MLIP: variants seen among roughly 807,000 people sequenced by gnomAD.
MLIP encodes muscular LMNA interacting protein, also known as muscular LMNA-interacting protein.
In MLIP, 79 loss-of-function variants were observed where a neutral mutation model predicts 84.8. The ratio of observed to expected loss-of-function variants is 0.93; its 90% CI spans 0.78 to 1.12. MLIP has a LOEUF of 1.12. Among genes scored for constraint, MLIP ranks in the 50% most tolerant of loss-of-function variants. The pLI is 0.00. For synonymous variants in MLIP, 504 were observed against 463.0 expected (o/e 1.09, Z -1.14); for missense variants, 1,257 against 1,160.6 (o/e 1.08, Z -1.21).
rs186351796 is a variant in MLIP at position 54,191,635 on chromosome 6, C to T, written c.2589+1721C>T. Among the ~76,000 whole-genome samples the T allele has an allele frequency of 3.1e-3, 476 of 152,222 alleles. 2 individuals are homozygous for T. The highest frequency in any genetic ancestry group is 4.4e-3 in the Non-Finnish European group (301 of 68,004). ...AATTGAAAGTGAGAGCATTCTATTG[C>T]GTACTTTCCAAGCCCTTCCAGGGCT... is the stretch of plus-strand genomic sequence containing the variant. On this transcript the variant is annotated intron_variant, in intron 10 of 13. Transcript: ENST00000502396.
chr6:54,204,362 A>G (rs1778899180), intron 11 of MLIP, among the ~76,000 whole-genome samples: 1 of 152,212 alleles, frequency 6.6e-6, no homozygotes, highest in Admixed American at 6.5e-5. Context: ...TATTGCTTGT[A>G]TGACACTAAT....
intron 4 of MLIP, among the ~76,000 whole-genome samples, chr6:54,141,460 T>A (rs772573122): frequency 6.6e-6 from 1 of 151,768 alleles, no homozygotes; most frequent in Non-Finnish European, 1.5e-5. Context: ...GTGTGCACCA[T>A]AACATCCGGC....
chr6:54,102,287 AGAGCAGTATCAC>A (rs1768710860), intron 1 of MLIP, among the ~76,000 whole-genome samples: 1 of 152,190 alleles, frequency 6.6e-6, no homozygotes, highest in Non-Finnish European at 1.5e-5. Context: ...TTAAATATCA[AGAGCAGTATCAC>A]ATAAAACTCA....
intron 1 of MLIP, among the ~76,000 whole-genome samples, chr6:54,081,955 T>C (rs1490615154): frequency 6.6e-6 from 1 of 152,164 alleles, no homozygotes; most frequent in Non-Finnish European, 1.5e-5. Flanking sequence ...TTGAAACTTC[T>C]TGTGTAGCTC....
intron 12 of MLIP, among the ~76,000 whole-genome samples, chr6:54,246,557 T>A (rs73741492): frequency 0.031 from 4,717 of 151,724 alleles, 220 homozygotes; most frequent in African/African-American, 0.11. Flanking sequence ...TATTTTCTGA[T>A]CTTGATTTTT....
In MLIP at chr6:54,115,075, G is replaced by C. The variant is rs9370264; in HGVS notation, c.96+3500G>C. Reference sequence around the variant, plus strand: ...AAGTGTGAAAGAGTTTTCTAGGCCAGTGGAAGAGTGAATGGGCTATGGAAG... The same window carrying C: ...AAGTGTGAAAGAGTTTTCTAGGCCACTGGAAGAGTGAATGGGCTATGGAAG... On this transcript the variant is annotated intron_variant, in intron 1 of 13. Coordinates refer to ENST00000502396, the MANE Select transcript of MLIP (RefSeq NM_001281747.2). 6.0e-4 allele frequency among the ~76,000 whole-genome samples: 92 copies of C among 152,316 alleles called. No homozygotes were observed. The East Asian group carries it at 7.7e-3, about 13-fold the overall frequency.
intron 9 of MLIP, among the ~76,000 whole-genome samples, chr6:54,175,054 C>G (rs1283918726): frequency 6.6e-6 from 1 of 151,882 alleles, no homozygotes; most frequent in Non-Finnish European, 1.5e-5. Flanking sequence ...AATGAGTTCA[C>G]TGTAAGTGAG....
At chr6:54,076,909 A>G (rs1766839715) in intron 1 of MLIP, among the ~76,000 whole-genome samples, 1 of 152,182 alleles carries the variant, frequency 6.6e-6, no homozygotes, top group Non-Finnish European at 1.5e-5. Flanking sequence ...AAAGAGACAG[A>G]AATAAAAATG....
chr6:54,019,128 G>A (rs1005357802), intron 1 of MLIP: 14 of 1,602,780 alleles, frequency 8.7e-6, no homozygotes, highest in Non-Finnish European at 1.2e-5. Flanking sequence ...GATTTATAAT[G>A]AAATTGACAG....
chr6:54,160,540 C>T lies in MLIP; in HGVS notation c.2380C>T (p.Gln794Ter), dbSNP rs1195456797. The T allele has an allele frequency of 6.2e-7, 1 of 1,612,578 alleles. No homozygotes were observed. The highest frequency in any genetic ancestry group is 2.2e-5 in the East Asian group (1 of 44,804). The change falls in exon 7 of 14, where the codon CAG becomes TAG. Residue 794 changes from glutamine (Q) to a stop codon, truncating the protein, a stop_gained. Coordinates refer to ENST00000502396, the MANE Select transcript of MLIP (RefSeq NM_001281747.2). LOFTEE classifies it high-confidence loss of function. Reference sequence around the variant, plus strand: ...GCTCTATTTTCCTGCACAGCTCAGGCAGCAAACTGAAGAGCTCTGTGCTAC... The same window carrying T: ...GCTCTATTTTCCTGCACAGCTCAGGTAGCAAACTGAAGAGCTCTGTGCTAC... ...VELYFPAQLR[Q>*]QTEELCATID...
chr6:54,234,720 A>G (rs1781248694), intron 12 of MLIP, among the ~76,000 whole-genome samples: 1 of 152,136 alleles, frequency 6.6e-6, no homozygotes, highest in Non-Finnish European at 1.5e-5. Context: ...ATTCAGCTGA[A>G]TTTCCTGACA....
At chr6:54,053,729 G>A (rs1477967736) in intron 1 of MLIP, among the ~76,000 whole-genome samples, 1 of 152,170 alleles carries the variant, frequency 6.6e-6, no homozygotes, top group South Asian at 2.1e-4. Context: ...AAAGAGCTTA[G>A]CACAGTGCCT....
intron 2 of MLIP, among the ~76,000 whole-genome samples, chr6:54,121,820 T>C (rs1770480843): frequency 6.6e-6 from 1 of 152,202 alleles, no homozygotes; most frequent in Admixed American, 6.5e-5. Context: ...GACATCCTAT[T>C]GTTTGCTATT....
At position 54,021,160 on chromosome 6, in the gene MLIP, T is replaced by C. The variant is rs116512063; in HGVS notation, c.63+2069T>C. Among the ~76,000 whole-genome samples, 837 of 152,330 alleles carry C rather than the reference T, an allele frequency of 5.5e-3. 5 individuals carry two copies. The highest frequency in any genetic ancestry group is 0.034 in the Middle Eastern group (10 of 294). ...ATGTTAATACCAATGTAACACAGTA[T>C]GACTGGCTAGGTTGCTGAAGACAGT... On this transcript the variant is annotated intron_variant, in intron 1 of 12. Transcript: ENST00000274897.
intron 12 of MLIP, among the ~76,000 whole-genome samples, chr6:54,254,945 C>T (rs55888793): frequency 0.043 from 6,610 of 152,018 alleles, 442 homozygotes; most frequent in African/African-American, 0.15. Context: ...AGTACTTGAA[C>T]GACTTCTCAC....
chr6:54,236,253 C>G (rs894938201), intron 12 of MLIP, among the ~76,000 whole-genome samples: 2 of 152,226 alleles, frequency 1.3e-5, no homozygotes, highest in African/African-American at 4.8e-5. Context: ...ATGTTCCCAG[C>G]TCAGGTTGAA....
chr6:54,109,945 C>T (rs570769106), upstream of MLIP, among the ~76,000 whole-genome samples: 133 of 118,278 alleles, frequency 1.1e-3, no homozygotes, highest in African/African-American at 4.2e-3. Flanking sequence ...TCCTTCCTTC[C>T]TTCCTTCCTT....
chr6:54,197,563 G>A (rs79380192), intron 10 of MLIP, among the ~76,000 whole-genome samples: 26 of 152,132 alleles, frequency 1.7e-4, no homozygotes, highest in African/African-American at 5.8e-4. Context: ...TTTCGATTTG[G>A]AGAATCTTCT....
intron 10 of MLIP, among the ~76,000 whole-genome samples, chr6:54,194,841 A>G (rs1306525194): frequency 6.6e-6 from 1 of 151,614 alleles, no homozygotes; most frequent in Non-Finnish European, 1.5e-5. Flanking sequence ...TAAGTGGTAT[A>G]AAAATCTCTT....
Sources: gnomAD v4.1 joint callset for allele counts (sites outside exome capture counted in the v4.1 genomes callset) on GRCh38, gnomAD v4.1.1 for gene constraint, MANE v1.5 for transcripts, NCBI Gene and HGNC (gene_info 2026-07-23, HGNC 2026-07-21) for gene names.